The following PLA2R1 variants were observed in gnomAD, a reference collection of about 807,000 sequenced individuals.
PLA2R1 encodes phospholipase A2 receptor 1, also known as secretory phospholipase A2 receptor.
PLA2R1 carries 158 observed loss-of-function variants against 195.9 expected under a neutral mutation model. That is an observed-to-expected ratio of 0.81 (90% CI 0.71 to 0.92). The LOEUF is 0.92. Among genes scored for constraint, PLA2R1 ranks in the 40% least tolerant of loss-of-function variants. The pLI is 0.00. For missense variants in PLA2R1, 1,626 were observed against 1,764.6 expected (o/e 0.92, Z 1.41); for synonymous variants, 586 against 598.2 (o/e 0.98, Z 0.30).
chr2:160,036,238 G>A (rs1240671147), intron 3 of PLA2R1, among the ~76,000 whole-genome samples: 2 of 152,142 alleles, frequency 1.3e-5, no homozygotes, highest in Non-Finnish European at 2.9e-5. Context: ...CATGTAACAT[G>A]TGCAAACCTG....
At chr2:159,962,291 C>A (rs1033499765) in intron 20 of PLA2R1, among the ~76,000 whole-genome samples, 3 of 152,210 alleles carry the variant, frequency 2.0e-5, no homozygotes, top group African/African-American at 7.2e-5. Context: ...AAATACTCAT[C>A]ATCACTTGTC....
At position 160,039,959 on chromosome 2, in the gene PLA2R1, TG is replaced by T. The variant is rs1019386052; in HGVS notation, c.667+2065del. ...AAGAAGAATATTGTAGTTTTTTTTT[TG>T]AAGTCCCTAGTATTAGAGCCATGTG... On this transcript the variant is annotated intron_variant, in intron 3 of 29. Transcript: ENST00000283243. Among the ~76,000 whole-genome samples, 84 of 151,330 alleles carry T rather than the reference TG, an allele frequency of 5.6e-4. No homozygotes were observed. The East Asian group carries it at 6.2e-3, about 11-fold the overall frequency.
At chr2:159,945,200 A>T (rs1460981539) in intron 27 of PLA2R1, 118 bp from the exon 28 acceptor site, 3 of 423,382 alleles carry the variant, frequency 7.1e-6, no homozygotes, top group African/African-American at 2.1e-5. Flanking sequence ...TTTTATTTTT[A>T]TTTTTTTATT....
intron 1 of PLA2R1, among the ~76,000 whole-genome samples, chr2:160,060,787 T>G (rs1165770687): frequency 6.6e-6 from 1 of 152,248 alleles, no homozygotes; most frequent in East Asian, 1.9e-4. Context: ...GTCCAACTTC[T>G]GTCCTGTGGG....
At position 159,936,978 on chromosome 2, in the gene PLA2R1, C is replaced by T. The variant is rs1449271728; in HGVS notation, c.*4800G>A. 1.3e-5 allele frequency: 2 copies of T among 152,148 alleles called. No individual in the cohort carries two copies. The highest frequency in any genetic ancestry group is 2.9e-5 in the Non-Finnish European group (2 of 68,020). 9.4% of individuals were successfully genotyped at this position (152,148 alleles called of 1,614,324 possible). Reference sequence around the variant, plus strand: ...GGGAATAAAAGGAGGTTTGTTATAACAATATCCCTCTATTACTTGAATTCC... The same window carrying T: ...GGGAATAAAAGGAGGTTTGTTATAATAATATCCCTCTATTACTTGAATTCC... On this transcript the variant is annotated 3_prime_UTR_variant, in exon 30 of 30. Transcript: ENST00000283243.
intron 3 of PLA2R1, among the ~76,000 whole-genome samples, chr2:160,039,258 G>A (rs190430672): frequency 2.6e-5 from 4 of 152,218 alleles, no homozygotes; most frequent in East Asian, 1.9e-4. Flanking sequence ...GGTTGGTATC[G>A]TAAAAATATC....
chr2:160,054,047 G>T (rs563285207), intron 1 of PLA2R1, among the ~76,000 whole-genome samples: 5 of 152,298 alleles, frequency 3.3e-5, no homozygotes, highest in African/African-American at 1.2e-4. Flanking sequence ...ATGTAAAAAA[G>T]ACCTTGGCAA....
intron 1 of PLA2R1, among the ~76,000 whole-genome samples, chr2:160,051,962 G>A (rs1235240420): frequency 6.6e-6 from 1 of 152,096 alleles, no homozygotes; most frequent in Non-Finnish European, 1.5e-5. Flanking sequence ...AGTTACCCAA[G>A]TACATTTTTT....
intron 4 of PLA2R1, among the ~76,000 whole-genome samples, chr2:160,032,484 T>C (rs1038021820): frequency 2.0e-5 from 3 of 152,212 alleles, no homozygotes; most frequent in South Asian, 2.1e-4. Context: ...AGTTAACATA[T>C]ATGTGCTTTT....
At chr2:160,009,659 C>T (rs1692224275) in intron 10 of PLA2R1, among the ~76,000 whole-genome samples, 1 of 151,978 alleles carries the variant, frequency 6.6e-6, no homozygotes, top group Non-Finnish European at 1.5e-5. Context: ...CTGAACTGCA[C>T]ACTGAAAAAT....
chr2:160,060,746 G>A (rs1443258227), intron 1 of PLA2R1, among the ~76,000 whole-genome samples: 1 of 152,172 alleles, frequency 6.6e-6, no homozygotes, highest in East Asian at 1.9e-4. Context: ...TCACTCGGAG[G>A]ATCACCAGCA....
At chr2:159,946,684 G>T in intron 27 of PLA2R1, 117 bp downstream of exon 27, 1 of 1,441,628 alleles carries the variant, frequency 6.9e-7, no homozygotes. Context: ...TAGGCTTCAT[G>T]CTATTTTTTC....
intron 10 of PLA2R1, among the ~76,000 whole-genome samples, chr2:160,006,779 A>C (rs557323987): frequency 6.6e-6 from 1 of 152,368 alleles, no homozygotes; most frequent in South Asian, 2.1e-4. Flanking sequence ...AGGAAACCTA[A>C]GGAGAAAGCA....
At chr2:159,966,125 T>C (rs1223402567) in intron 20 of PLA2R1, among the ~76,000 whole-genome samples, 1 of 152,102 alleles carries the variant, frequency 6.6e-6, no homozygotes, top group Admixed American at 6.6e-5. Context: ...ATCAATTAGC[T>C]AAGGGGGGAC....
Position 160,052,340 on chromosome 2 carries a change from C to T in PLA2R1, c.110-7183G>A, listed in dbSNP as rs72621700. Among the ~76,000 whole-genome samples the T allele has an allele frequency of 9.2e-3, 1,404 of 152,326 alleles. 49 individuals carry two copies. The East Asian group carries it at 0.12, about 13-fold the overall frequency. ...CTGTCCTTGCCACTCCCTGGCCATT[C>T]CCGTTCCCTCCTCTGTCCTCCTGCT... On this transcript the variant is annotated intron_variant, in intron 1 of 29. Coordinates refer to ENST00000283243, the MANE Select transcript of PLA2R1 (RefSeq NM_007366.5).
At chr2:160,033,984 G>A (rs1320807279) in intron 3 of PLA2R1, among the ~76,000 whole-genome samples, 1 of 152,174 alleles carries the variant, frequency 6.6e-6, no homozygotes, top group East Asian at 1.9e-4. Flanking sequence ...CTTTCCCAAA[G>A]TGTGATTCCC....
At chr2:160,011,873 C>T (rs1445449499) in intron 10 of PLA2R1, among the ~76,000 whole-genome samples, 5 of 152,130 alleles carry the variant, frequency 3.3e-5, no homozygotes, top group African/African-American at 9.7e-5. Context: ...TATATTTCAA[C>T]GGGAGGATCT....
intron 2 of PLA2R1, among the ~76,000 whole-genome samples, chr2:160,043,687 T>G (rs1315525423): frequency 6.6e-6 from 1 of 152,222 alleles, no homozygotes; most frequent in Non-Finnish European, 1.5e-5. Context: ...AGTGTGGGTA[T>G]GTGGCTAAAA....
intron 1 of PLA2R1, 109 bp downstream of exon 1, chr2:160,062,186 C>T: frequency 1.2e-6 from 1 of 856,812 alleles, no homozygotes; most frequent in Non-Finnish European, 1.7e-6. Context: ...AACGCGGCCG[C>T]CCTTGCCCGC....
Sources: allele counts gnomAD v4.1 joint callset (sites outside exome capture counted in the v4.1 genomes callset), GRCh38; gene constraint gnomAD v4.1.1; transcripts MANE v1.5; gene names NCBI Gene and HGNC (gene_info 2026-07-23, HGNC 2026-07-21).